The following TEX11 variants were observed in gnomAD, a reference collection of about 807,000 sequenced individuals.
TEX11 encodes the protein testis-expressed protein 11.
In TEX11, 7 loss-of-function variants were observed where a neutral mutation model predicts 84.4. The observed-to-expected ratio is 0.08, with a 90% CI of 0.05 to 0.16. The LOEUF (loss-of-function observed/expected upper bound fraction) is 0.16, where lower values mean the gene tolerates loss of function less well. TEX11 is among the 10% of genes least tolerant of loss of function. TEX11 has a pLI of 1.00. For synonymous variants in TEX11, 264 were observed against 222.8 expected (o/e 1.18, Z -1.64); for missense variants, 551 against 660.5 (o/e 0.83, Z 1.82).
chrX:70,521,636 A>G, the TEX11 span, among the ~76,000 whole-genome samples: 3 of 111,646 alleles, frequency 2.7e-5, no homozygotes, highest in Non-Finnish European at 5.6e-5. Flanking sequence ...AGAAATCAAC[A>G]AGAGGGACTG....
At chrX:70,701,372 T>C (rs972022038) in intron 13 of TEX11, among the ~76,000 whole-genome samples, 8 of 111,967 alleles carry the variant, frequency 7.1e-5, no homozygotes, top group Admixed American at 6.7e-4. Flanking sequence ...CTAAATCTTC[T>C]CTGCCTGTGC....
intron 9 of TEX11, among the ~76,000 whole-genome samples, chrX:70,761,045 C>A (rs752338830): frequency 1.8e-5 from 2 of 111,917 alleles, no homozygotes; most frequent in Non-Finnish European, 3.8e-5. Flanking sequence ...AAATGCAAAT[C>A]GAAACCACAA....
intron 10 of TEX11, among the ~76,000 whole-genome samples, chrX:70,742,427 A>T (rs1404863566): frequency 9.1e-6 from 1 of 109,698 alleles, no homozygotes; most frequent in Non-Finnish European, 1.9e-5. Context: ...TGACCATCTT[A>T]AACTTTTTTT....
At chrX:70,668,606 G>A (rs771061241) in intron 16 of TEX11, among the ~76,000 whole-genome samples, 5 of 112,163 alleles carry the variant, frequency 4.5e-5, no homozygotes, top group East Asian at 2.8e-4. Flanking sequence ...TATTGAGTAC[G>A]CACCATTAAA....
rs936340268 is a variant in TEX11, at chrX:70,734,646, C to T, written c.843+6055G>A. 7.1e-5 allele frequency among the ~76,000 whole-genome samples: 8 copies of T among 112,172 alleles called. No individual in the cohort carries two copies. The South Asian group carries it at 1.1e-3, about 16-fold the overall frequency. ...ATTTAAGCTGTTTCCAACGCAATTGCTATTATGAACAATCCTGGAATCAGC... is the reference window on the plus strand; with the variant it reads ...ATTTAAGCTGTTTCCAACGCAATTGTTATTATGAACAATCCTGGAATCAGC... On this transcript the variant is annotated intron_variant, in intron 11 of 29. Transcript: ENST00000374333.
chrX:70,882,403 C>T (rs1435256303), intron 2 of TEX11, among the ~76,000 whole-genome samples: 1 of 110,596 alleles, frequency 9.0e-6, no homozygotes, highest in African/African-American at 3.3e-5. Context: ...CTGCAATCTC[C>T]GCCTCCCAGG....
At chrX:70,902,079 G>A (rs190794893) in intron 2 of TEX11, among the ~76,000 whole-genome samples, 164 of 111,652 alleles carry the variant, frequency 1.5e-3, no homozygotes, top group Non-Finnish European at 1.7e-3. Flanking sequence ...GGGAGATCCC[G>A]TCTCCACAGA....
rs981767036 is a variant in TEX11 at position 70,670,840 on chromosome X, A to G, written c.1243-326T>C. On this transcript the variant is annotated intron_variant, in intron 15 of 29. Transcript: ENST00000374333. Reference sequence around the variant, plus strand: ...TAAAACAACAACGACAAAAATTTTAAAAGAGAACACCCATAATTCACCATG... The same window carrying G: ...TAAAACAACAACGACAAAAATTTTAGAAGAGAACACCCATAATTCACCATG... 7.1e-5 allele frequency among the ~76,000 whole-genome samples: 8 copies of G among 112,197 alleles called. No homozygotes were observed. The Admixed American group carries it at 7.6e-4, about 11-fold the overall frequency.
chrX:70,737,235 T>C (rs974045637), intron 11 of TEX11, among the ~76,000 whole-genome samples: 7 of 111,339 alleles, frequency 6.3e-5, no homozygotes, highest in Non-Finnish European at 5.7e-5. Context: ...GATTAACAGA[T>C]GATTAGACAT....
At chrX:70,844,107 C>G (rs1602176492) in intron 7 of TEX11, among the ~76,000 whole-genome samples, 2 of 110,326 alleles carry the variant, frequency 1.8e-5, no homozygotes, top group East Asian at 5.7e-4. Context: ...CATCCCATTA[C>G]TGGGTATATA....
chrX:70,738,358 T>A (rs766386931), intron 11 of TEX11, among the ~76,000 whole-genome samples: 1 of 112,438 alleles, frequency 8.9e-6, no homozygotes, highest in South Asian at 3.7e-4. Flanking sequence ...AAGCTCATCA[T>A]CACTGGTCAT....
At chrX:70,751,201 C>G (rs1417784565) in intron 9 of TEX11, among the ~76,000 whole-genome samples, 7 of 105,842 alleles carry the variant, frequency 6.6e-5, no homozygotes, top group Non-Finnish European at 1.4e-4. Flanking sequence ...TATTGCGGCA[C>G]TATTCACAAT....
chrX:70,658,687 A>G (rs2089896784), intron 16 of TEX11, among the ~76,000 whole-genome samples: 1 of 111,734 alleles, frequency 8.9e-6, no homozygotes, highest in Non-Finnish European at 1.9e-5. Flanking sequence ...GAAGATACCC[A>G]AAGTGATCTA....
At chrX:70,571,557 A>G (rs751763654) in intron 25 of TEX11, among the ~76,000 whole-genome samples, 2 of 111,697 alleles carry the variant, frequency 1.8e-5, no homozygotes, top group East Asian at 5.6e-4. Flanking sequence ...GTTAAGTTCA[A>G]TCTATTCCAT....
At chrX:70,580,954 T>C (rs2088764383) in intron 25 of TEX11, among the ~76,000 whole-genome samples, 1 of 17,933 alleles carries the variant, frequency 5.6e-5, no homozygotes, top group African/African-American at 1.7e-4. Context: ...TTTTAATTAA[T>C]ATAGACTGCT....
chrX:70,785,168 T>C (rs1346177355), intron 9 of TEX11, among the ~76,000 whole-genome samples: 1 of 111,133 alleles, frequency 9.0e-6, no homozygotes, highest in Non-Finnish European at 1.9e-5. Flanking sequence ...TCAGAAATAA[T>C]ACCACACATG....
At chrX:70,641,440 T>C (rs1422447517) in intron 17 of TEX11, among the ~76,000 whole-genome samples, 1 of 110,601 alleles carries the variant, frequency 9.0e-6, no homozygotes, top group Admixed American at 9.6e-5. Flanking sequence ...TACAGAACTC[T>C]CCACCCCAAA....
intron 7 of TEX11, among the ~76,000 whole-genome samples, chrX:70,845,638 G>A (rs2091475258): frequency 1.8e-5 from 2 of 110,002 alleles, no homozygotes; most frequent in Admixed American, 1.9e-4. Flanking sequence ...GACCCGCCTG[G>A]CCAACATGGC....
chrX:70,810,912 A>C (rs2147812151), intron 8 of TEX11, among the ~76,000 whole-genome samples: 1 of 111,986 alleles, frequency 8.9e-6, no homozygotes, highest in Non-Finnish European at 1.9e-5. Flanking sequence ...GAGCCTCAAA[A>C]CATGGACAAA....
Sources: gnomAD v4.1 joint callset for allele counts (sites outside exome capture counted in the v4.1 genomes callset) on GRCh38, gnomAD v4.1.1 for gene constraint, MANE v1.5 for transcripts, NCBI Gene and HGNC (gene_info 2026-07-23, HGNC 2026-07-21) for gene names.